CDC27: variants seen among roughly 807,000 people sequenced by gnomAD.
CDC27 encodes cell division cycle protein 27 homolog.
CDC27 carries 27 observed loss-of-function variants against 109.7 expected under a neutral mutation model. The ratio of observed to expected loss-of-function variants is 0.25; its 90% confidence interval spans 0.18 to 0.34. CDC27 has a LOEUF of 0.34. CDC27 is among the 10% of genes least tolerant of loss of function. The pLI is 1.00. For synonymous variants in CDC27, 266 were observed against 333.9 expected (o/e 0.80, Z 2.22); for missense variants, 579 against 960.2 (o/e 0.60, Z 5.25).
At chr17:47,181,277 A>AC (rs1398043766) in intron 2 of CDC27, 1 of 153,290 alleles carries the variant, frequency 6.5e-6, no homozygotes, top group African/African-American at 2.6e-5. Flanking sequence ...AAAAAAAAAA[A>AC]AAAAAAAAAC....
At position 47,117,973 on chromosome 17, in the gene CDC27, G is replaced by T. The variant is rs896499068; in HGVS notation, c.*2962C>A. The T allele has an allele frequency of 6.6e-6, 1 of 152,082 alleles. No homozygotes were observed. Among genetic ancestry groups the T allele is most frequent in the Non-Finnish European group, 1.5e-5 (1 of 68,016 alleles). 9.4% of individuals were successfully genotyped at this position (152,082 alleles called of 1,614,324 possible). Reference sequence around the variant, plus strand: ...GATTTTCCATATCCTTTAATGAATTGCAAATATATTAACAGAAAAGACTTT... The same window carrying T: ...GATTTTCCATATCCTTTAATGAATTTCAAATATATTAACAGAAAAGACTTT... On this transcript the variant is annotated 3_prime_UTR_variant, in exon 19 of 19. Transcript: ENST00000066544.
chr17:47,141,512 T>C (rs920716619), intron 12 of CDC27, among the ~76,000 whole-genome samples: 8 of 152,292 alleles, frequency 5.3e-5, no homozygotes, highest in African/African-American at 1.9e-4. Flanking sequence ...TTCACCCCAG[T>C]AATTAACTCT....
chr17:47,133,106 C>CATATATAT lies in CDC27; in HGVS notation c.1914-740_1914-733dup, dbSNP rs55717332. ...ACACAAACACACACACACAAATATA[C>CATATATAT]ATATATATATATATATATATATATA... On this transcript the variant is annotated intron_variant, in intron 14 of 18. Coordinates refer to ENST00000066544, the MANE Select transcript of CDC27 (RefSeq NM_001256.6). Among the ~76,000 whole-genome samples, 92 of 98,008 alleles carry CATATATAT rather than the reference C, an allele frequency of 9.4e-4. No homozygotes were observed. In the South Asian group the frequency reaches 0.016, roughly 18 times the overall value. 64.3% of individuals were successfully genotyped at this position (98,008 alleles called of 152,430 possible). A position where few individuals can be genotyped will look rare whatever the true frequency, so the allele number is the denominator to read the frequency against.
chr17:47,146,455 C>T (rs2062961870), intron 9 of CDC27, among the ~76,000 whole-genome samples: 2 of 152,068 alleles, frequency 1.3e-5, no homozygotes, highest in African/African-American at 4.8e-5. Flanking sequence ...GAAGAAACTA[C>T]CCAAAGCTGG....
intron 15 of CDC27, among the ~76,000 whole-genome samples, chr17:47,131,595 C>A (rs1016615839): frequency 6.6e-6 from 1 of 152,016 alleles, no homozygotes; most frequent in African/African-American, 2.4e-5. Flanking sequence ...CGTACTTACA[C>A]AGAAGCTAAT....
rs963765843 is a variant in CDC27 at position 47,128,730 on chromosome 17, T to A, written c.2160+663A>T. On this transcript the variant is annotated intron_variant, in intron 16 of 18. Coordinates refer to ENST00000066544, the MANE Select transcript of CDC27 (RefSeq NM_001256.6). ...TGGGTAATCAATAAAAGCTGAATAA[T>A]GCACACACATTCGTTTTCTTTTTCT... Among the ~76,000 whole-genome samples the A allele has an allele frequency of 4.6e-5, 7 of 152,168 alleles. No homozygotes were observed. The East Asian group carries it at 1.3e-3, about 29-fold the overall frequency.
chr17:47,132,997 A>G (rs2062403841), intron 14 of CDC27, among the ~76,000 whole-genome samples: 1 of 28,362 alleles, frequency 3.5e-5, no homozygotes, highest in Non-Finnish European at 6.6e-5. Flanking sequence ...GCATATATAT[A>G]TATATATATA....
chr17:47,121,044 G>GT (rs1223474060), intron 18 of CDC27, 27 bp from the exon 19 acceptor site: 1 of 1,481,282 alleles, frequency 6.8e-7, no homozygotes, highest in Non-Finnish European at 9.4e-7. Flanking sequence ...GAAGTCCACA[G>GT]TAAGTTTTCT....
At chr17:47,158,658 A>C (rs1226622216) in intron 4 of CDC27, among the ~76,000 whole-genome samples, 1 of 150,300 alleles carries the variant, frequency 6.7e-6, no homozygotes, top group Non-Finnish European at 1.5e-5. Context: ...TGGCTCTATC[A>C]TACAGGCTGA....
intron 4 of CDC27, among the ~76,000 whole-genome samples, chr17:47,161,374 C>T (rs545824203): frequency 6.6e-6 from 1 of 152,118 alleles, no homozygotes; most frequent in Non-Finnish European, 1.5e-5. Flanking sequence ...GAAGAAAGGG[C>T]ATACAAAAAA....
At chr17:47,178,357 G>A (rs2064094056) in intron 2 of CDC27, among the ~76,000 whole-genome samples, 1 of 151,374 alleles carries the variant, frequency 6.6e-6, no homozygotes, top group Non-Finnish European at 1.5e-5. Context: ...GCAACATTGT[G>A]AGATCTCGTG....
intron 14 of CDC27, among the ~76,000 whole-genome samples, chr17:47,132,577 T>C (rs898237907): frequency 1.3e-5 from 2 of 151,240 alleles, no homozygotes; most frequent in Non-Finnish European, 2.9e-5. Context: ...TAAAAAAATT[T>C]TTTTTTGAAT....
chr17:47,134,696 G>C (rs2062517211), intron 14 of CDC27, among the ~76,000 whole-genome samples: 1 of 151,426 alleles, frequency 6.6e-6, no homozygotes, highest in Non-Finnish European at 1.5e-5. Flanking sequence ...GGATGGTCTT[G>C]ATCTCTTGAC....
chr17:47,161,540 C>G (rs995580136), intron 4 of CDC27, among the ~76,000 whole-genome samples: 1 of 152,102 alleles, frequency 6.6e-6, no homozygotes, highest in African/African-American at 2.4e-5. Flanking sequence ...CACTTGAGGT[C>G]AGGAGTTCGA....
chr17:47,149,584 T>C lies in CDC27; in HGVS notation c.1070+2222A>G, dbSNP rs567788506. 5.9e-4 allele frequency among the ~76,000 whole-genome samples: 89 copies of C among 149,854 alleles called. 1 individual carries two copies. Among genetic ancestry groups the C allele is most frequent in the Admixed American group, 3.1e-3 (47 of 15,096 alleles). On this transcript the variant is annotated intron_variant, in intron 9 of 18. Transcript: ENST00000066544. ...GGAGGAAAATGATATCAGATCGCAA[T>C]CTGGATCTATAGAAGGAAAGGGCAC...
At chr17:47,148,613 A>G (rs1391300325) in intron 9 of CDC27, among the ~76,000 whole-genome samples, 1 of 152,236 alleles carries the variant, frequency 6.6e-6, no homozygotes, top group African/African-American at 2.4e-5. Context: ...GCTACACTAG[A>G]GCACATCATA....
intron 11 of CDC27, 36 bp from the exon 12 acceptor site, chr17:47,142,061 C>G: frequency 6.9e-7 from 1 of 1,450,586 alleles, no homozygotes; most frequent in Non-Finnish European, 9.3e-7. Flanking sequence ...AAGGAAAAAA[C>G]GCAATAAACT....
chr17:47,155,356 G>C (rs1233891185), intron 7 of CDC27, among the ~76,000 whole-genome samples: 1 of 152,066 alleles, frequency 6.6e-6, no homozygotes, highest in Non-Finnish European at 1.5e-5. Flanking sequence ...AATGATTCTT[G>C]TGCCTCAACC....
chr17:47,159,716 TG>T, intron 4 of CDC27: 1 of 413,878 alleles, frequency 2.4e-6, no homozygotes, highest in Non-Finnish European at 4.5e-6. Flanking sequence ...CCTGGTGCCC[TG>T]GCTGGCACGG....
Sources: gnomAD v4.1 joint callset for allele counts (sites outside exome capture counted in the v4.1 genomes callset) on GRCh38, gnomAD v4.1.1 for gene constraint, MANE v1.5 for transcripts, NCBI Gene and HGNC (gene_info 2026-07-23, HGNC 2026-07-21) for gene names.